The following ITGA9 variants were observed in gnomAD, a reference collection of about 807,000 sequenced individuals.
ITGA9 encodes the protein integrin alpha-9.
Under a neutral mutation model 127.8 loss-of-function variants are expected in ITGA9, and 56 were observed. The observed-to-expected ratio is 0.44, with a 90% confidence interval of 0.35 to 0.55. ITGA9 has a LOEUF of 0.55. Ranked by LOEUF, ITGA9 falls within the 20% of genes least tolerant of loss-of-function variation. The probability of loss-of-function intolerance (pLI) is 0.00; values close to 1 mark genes in which losing one functional copy is unlikely to be tolerated. For missense variants in ITGA9, 1,196 were observed against 1,347.1 expected, an observed-to-expected ratio of 0.89 and a Z score of 1.76; for synonymous variants, 508 against 514.5, an observed-to-expected ratio of 0.99 and a Z score of 0.17.
chr3:37,658,933 G>A (rs939904449), intron 17 of ITGA9, among the ~76,000 whole-genome samples: 4 of 152,048 alleles, frequency 2.6e-5, no homozygotes, highest in South Asian at 4.1e-4. Flanking sequence ...TTTCTTCTTC[G>A]CTTATGAAGC....
At chr3:37,547,894 A>G (rs1699343171) in intron 15 of ITGA9, among the ~76,000 whole-genome samples, 1 of 152,226 alleles carries the variant, frequency 6.6e-6, no homozygotes, top group Non-Finnish European at 1.5e-5. Flanking sequence ...TTTTTCTCCC[A>G]AAGGCAACCA....
chr3:37,546,597 G>A (rs1241091992), intron 15 of ITGA9, among the ~76,000 whole-genome samples: 1 of 152,220 alleles, frequency 6.6e-6, no homozygotes, highest in Non-Finnish European at 1.5e-5. Flanking sequence ...GGATGCCACT[G>A]TCATCTTCCT....
At chr3:37,610,321 T>C (rs896721888) in intron 15 of ITGA9, among the ~76,000 whole-genome samples, 1 of 152,218 alleles carries the variant, frequency 6.6e-6, no homozygotes, top group African/African-American at 2.4e-5. Flanking sequence ...TCATAGTTCA[T>C]GTTAAATTTG....
intron 18 of ITGA9, among the ~76,000 whole-genome samples, chr3:37,717,383 C>G (rs535746528): frequency 6.6e-6 from 1 of 152,238 alleles, no homozygotes; most frequent in East Asian, 1.9e-4. Context: ...TAGCTTTTGA[C>G]CTATGTGTTT....
intron 16 of ITGA9, among the ~76,000 whole-genome samples, chr3:37,633,480 TA>T (rs1438311268): frequency 2.0e-5 from 3 of 152,222 alleles, no homozygotes; most frequent in Non-Finnish European, 4.4e-5. Flanking sequence ...AAGCTTATTT[TA>T]CAATAAAGTG....
chr3:37,741,708 T>A (rs1696437325), intron 20 of ITGA9, 22 bp from the exon 21 acceptor site: 1 of 1,601,292 alleles, frequency 6.2e-7, no homozygotes, highest in African/African-American at 1.3e-5. Context: ...CAGCGTTCAT[T>A]CATTCTCCTC....
intron 24 of ITGA9, 92 bp from the exon 25 acceptor site, chr3:37,779,810 A>G: frequency 7.8e-7 from 1 of 1,285,836 alleles, no homozygotes; most frequent in South Asian, 1.2e-5. Context: ...TGCCTTAGTC[A>G]CCAAGTTCAT....
chr3:37,694,934 A>G (rs756225134), intron 18 of ITGA9, among the ~76,000 whole-genome samples: 15 of 152,198 alleles, frequency 9.9e-5, no homozygotes, highest in Non-Finnish European at 1.8e-4. Context: ...GCTCACATGC[A>G]AGTGGTTCAT....
At chr3:37,747,342 A>G (rs1696513685) in intron 22 of ITGA9, among the ~76,000 whole-genome samples, 1 of 152,198 alleles carries the variant, frequency 6.6e-6, no homozygotes, top group Admixed American at 6.5e-5. Flanking sequence ...GTGCATAATA[A>G]TCATGTAAAA....
intron 17 of ITGA9, among the ~76,000 whole-genome samples, chr3:37,670,087 A>C (rs1451414491): frequency 6.6e-6 from 1 of 151,872 alleles, no homozygotes; most frequent in African/African-American, 2.4e-5. Flanking sequence ...TTTCCAAGAA[A>C]AAAAAGAAAT....
chr3:37,477,847 T>C (rs1189368887), intron 3 of ITGA9, among the ~76,000 whole-genome samples: 1 of 152,156 alleles, frequency 6.6e-6, no homozygotes, highest in Non-Finnish European at 1.5e-5. Context: ...ATTCTCTGGT[T>C]CTCTTTGTCA....
At chr3:37,643,577 C>T (rs1318424677) in intron 16 of ITGA9, among the ~76,000 whole-genome samples, 2 of 152,198 alleles carry the variant, frequency 1.3e-5, no homozygotes, top group African/African-American at 4.8e-5. Context: ...ATGGTTTCCT[C>T]AAACTCTTCA....
At chr3:37,489,874 C>T (rs1549599) in intron 4 of ITGA9, among the ~76,000 whole-genome samples, 94,852 of 151,988 alleles carry the variant, frequency 0.62, 29,678 homozygotes, top group East Asian at 0.69. Flanking sequence ...TTTACTTCTA[C>T]TGAAGCGTGC....
At chr3:37,783,767 A>G (rs977013988) in intron 25 of ITGA9, among the ~76,000 whole-genome samples, 2 of 152,232 alleles carry the variant, frequency 1.3e-5, no homozygotes, top group African/African-American at 4.8e-5. Context: ...AAAGTGAGTT[A>G]ACTGGAGTAA....
chr3:37,626,268 A>G (rs983758446), intron 15 of ITGA9, among the ~76,000 whole-genome samples: 2 of 152,360 alleles, frequency 1.3e-5, no homozygotes, highest in East Asian at 3.9e-4. Flanking sequence ...TATTTTATGG[A>G]CAGCAAGAAA....
At chr3:37,575,561 G>A (rs1699645711) in intron 15 of ITGA9, among the ~76,000 whole-genome samples, 1 of 152,142 alleles carries the variant, frequency 6.6e-6, no homozygotes, top group South Asian at 2.1e-4. Flanking sequence ...TACCCATGAA[G>A]AAACTGAGGC....
chr3:37,603,066 C>T (rs1428217912), intron 15 of ITGA9, among the ~76,000 whole-genome samples: 4 of 152,172 alleles, frequency 2.6e-5, no homozygotes, highest in African/African-American at 7.2e-5. Flanking sequence ...TCACTAAGCA[C>T]GCTACACCCT....
At chr3:37,548,382 C>T (rs267533) in intron 15 of ITGA9, among the ~76,000 whole-genome samples, 66,944 of 151,944 alleles carry the variant, frequency 0.44, 15,669 homozygotes, top group East Asian at 0.72. Flanking sequence ...GTGGTTGTAG[C>T]GGTTGTATGG....
At chr3:37,739,865 T>G in intron 20 of ITGA9, among the ~76,000 whole-genome samples, 1 of 150,740 alleles carries the variant, frequency 6.6e-6, no homozygotes, top group East Asian at 2.0e-4. Flanking sequence ...CACAGGGGAG[T>G]CGCCTTTGGC....
Sources: allele counts gnomAD v4.1 joint callset (sites outside exome capture counted in the v4.1 genomes callset), GRCh38; gene constraint gnomAD v4.1.1; transcripts MANE v1.5; gene names NCBI Gene and HGNC (gene_info 2026-07-23, HGNC 2026-07-21).